The following PRKACB variants were observed in gnomAD, a reference collection of about 807,000 sequenced individuals.
PRKACB encodes the protein protein kinase cAMP-activated catalytic subunit beta.
PRKACB carries 16 observed loss-of-function variants against 51.4 expected under a neutral mutation model. The observed-to-expected ratio is 0.31, with a 90% CI of 0.21 to 0.47. PRKACB has a LOEUF of 0.47. Among genes scored for constraint, PRKACB ranks in the 20% least tolerant of loss-of-function variants. The pLI, the probability that PRKACB is intolerant of heterozygous loss-of-function variation, is 1.00. For synonymous variants in PRKACB, 147 were observed against 154.4 expected (o/e 0.95, Z 0.35); for missense variants, 309 against 464.5 (o/e 0.67, Z 3.08).
intron 2 of PRKACB, among the ~76,000 whole-genome samples, chr1:84,180,420 G>A (rs1395573434): frequency 6.6e-6 from 1 of 150,966 alleles, no homozygotes; most frequent in Admixed American, 6.6e-5. Flanking sequence ...ACTTGGTGGG[G>A]GAGAATGGGA....
chr1:84,235,395 T>C lies in PRKACB; in HGVS notation c.*90T>C. 1 of 1,541,112 alleles carries C rather than the reference T, an allele frequency of 6.5e-7. No individual in the cohort carries two copies. Among genetic ancestry groups the C allele is most frequent in the Non-Finnish European group, 8.9e-7 (1 of 1,128,464 alleles). On this transcript the variant is annotated 3_prime_UTR_variant, in exon 10 of 10. Coordinates refer to ENST00000370685, the MANE Select transcript of PRKACB (RefSeq NM_182948.4). ...GCTGAGACCGTCCTTGTTGAAGCAG[T>C]TACCTAGTTCCTTCATTCCAACGAC...
intron 7 of PRKACB, among the ~76,000 whole-genome samples, chr1:84,199,966 C>G (rs922507073): frequency 6.6e-6 from 1 of 152,106 alleles, no homozygotes; most frequent in Non-Finnish European, 1.5e-5. Flanking sequence ...GTGCTTCAGG[C>G]TCCCAAGTAG....
At chr1:84,182,051 A>G in intron 2 of PRKACB, 149 bp from the exon 3 acceptor site, 1 of 603,434 alleles carries the variant, frequency 1.7e-6, no homozygotes, top group Non-Finnish European at 2.5e-6. Context: ...AGAACCAATA[A>G]ACTGGAATCT....
At chr1:84,184,190 T>G in intron 4 of PRKACB, 55 bp downstream of exon 4, 4 of 1,468,414 alleles carry the variant, frequency 2.7e-6, no homozygotes, top group Non-Finnish European at 3.7e-6. Flanking sequence ...TTTTTTAAGA[T>G]GAAACTATAA....
chr1:84,098,103 G>A (rs769123627), intron 1 of PRKACB, among the ~76,000 whole-genome samples: 8 of 151,960 alleles, frequency 5.3e-5, no homozygotes, highest in Non-Finnish European at 7.4e-5. Flanking sequence ...TGTTGAACAC[G>A]TTTTTATATG....
chr1:84,167,058 A>C (rs1657734472), intron 1 of PRKACB, among the ~76,000 whole-genome samples: 1 of 151,560 alleles, frequency 6.6e-6, no homozygotes, highest in African/African-American at 2.4e-5. Flanking sequence ...ACATGTACTC[A>C]GTCATTAAGT....
chr1:84,151,841 C>T (rs528431854), intron 1 of PRKACB, among the ~76,000 whole-genome samples: 152 of 152,190 alleles, frequency 1.0e-3, no homozygotes, highest in African/African-American at 3.5e-3. Flanking sequence ...AATTTTAAAC[C>T]GCTCAAACGC....
intron 1 of PRKACB, among the ~76,000 whole-genome samples, chr1:84,136,574 G>A (rs966310687): frequency 4.0e-5 from 6 of 150,672 alleles, no homozygotes; most frequent in African/African-American, 9.8e-5. Context: ...ACTCTTTTTC[G>A]TTGCTGGTGG....
intron 1 of PRKACB, among the ~76,000 whole-genome samples, chr1:84,082,925 T>C (rs934273657): frequency 1.3e-5 from 2 of 151,948 alleles, no homozygotes; most frequent in Non-Finnish European, 2.9e-5. Context: ...GATTTATTTT[T>C]TCTCATTTAA....
In PRKACB at chr1:84,204,446, A is replaced by G. The variant is rs1671008551; in HGVS notation, c.906+1641A>G. The G allele has an allele frequency of 2.0e-6, 3 of 1,475,760 alleles. No individual in the cohort carries two copies. The African/African-American group carries it at 4.2e-5, about 21-fold the overall frequency. 91.4% of individuals were successfully genotyped at this position (1,475,760 alleles called of 1,614,324 possible). On this transcript the variant is annotated intron_variant, in intron 8 of 9. Transcript: ENST00000370685. The stretch of plus-strand genomic sequence containing the variant: ...CTTACATTTGTAGATCTCTGGCTTC[A>G]GACTTCTTATCTTTGTAATTGTTTT...
At chr1:84,121,072 G>A (rs1308693473) in intron 1 of PRKACB, among the ~76,000 whole-genome samples, 1 of 151,908 alleles carries the variant, frequency 6.6e-6, no homozygotes, top group Admixed American at 6.6e-5. Context: ...TTACTATTTT[G>A]TGTCAATTGC....
chr1:84,115,740 G>C (rs1020515783), intron 1 of PRKACB, among the ~76,000 whole-genome samples: 1 of 151,740 alleles, frequency 6.6e-6, no homozygotes. Context: ...AAATTAGCTG[G>C]GCGTGGTGGT....
intron 1 of PRKACB, among the ~76,000 whole-genome samples, chr1:84,091,825 T>G (rs1287494261): frequency 1.3e-5 from 2 of 152,120 alleles, no homozygotes; most frequent in African/African-American, 4.8e-5. Flanking sequence ...CTCACACAAG[T>G]TTAGCATGAG....
At chr1:84,141,061 T>G (rs1366203427), upstream of PRKACB, among the ~76,000 whole-genome samples, 1 of 151,534 alleles carries the variant, frequency 6.6e-6, no homozygotes, top group African/African-American at 2.4e-5. Flanking sequence ...ACCAATATTT[T>G]GTGGTATTTT....
At position 84,127,155 on chromosome 1, in the gene PRKACB, T is replaced by C. The variant is rs527803612; in HGVS notation, c.46+48784T>C. Among the ~76,000 whole-genome samples the C allele has an allele frequency of 5.3e-5, 8 of 152,308 alleles. No individual in the cohort carries two copies. In the South Asian group the frequency reaches 6.2e-4, roughly 12 times the overall value. On this transcript the variant is annotated intron_variant, in intron 1 of 8. Transcript: ENST00000370688. The stretch of plus-strand genomic sequence containing the variant: ...GGTCTTGACAGCTGTGTATGTTACC[T>C]GAAACACATTATAGAAAATGTACAT...
chr1:84,091,316 T>G (rs1213623370), intron 1 of PRKACB, among the ~76,000 whole-genome samples: 1 of 152,232 alleles, frequency 6.6e-6, no homozygotes, highest in Non-Finnish European at 1.5e-5. Flanking sequence ...GTGGTCTGCA[T>G]ATTAATATTT....
intron 1 of PRKACB, among the ~76,000 whole-genome samples, chr1:84,128,393 T>C (rs904079979): frequency 2.6e-4 from 40 of 152,230 alleles, no homozygotes; most frequent in African/African-American, 9.6e-4. Flanking sequence ...TCTATAGCAT[T>C]CTGTCCAAAT....
At chr1:84,175,743 TCATC>T in intron 1 of PRKACB, 1 of 1,480,884 alleles carries the variant, frequency 6.8e-7, no homozygotes, top group African/African-American at 1.4e-5. Flanking sequence ...CTTTTTTTTT[TCATC>T]TCTTGAATGT....
intron 7 of PRKACB, among the ~76,000 whole-genome samples, chr1:84,201,473 T>G (rs1670079888): frequency 6.6e-6 from 1 of 152,060 alleles, no homozygotes. Flanking sequence ...TAGCACACAA[T>G]TTAAACATAT....
Sources: gnomAD v4.1 joint callset for allele counts (sites outside exome capture counted in the v4.1 genomes callset) on GRCh38, gnomAD v4.1.1 for gene constraint, MANE v1.5 for transcripts, NCBI Gene and HGNC (gene_info 2026-07-23, HGNC 2026-07-21) for gene names.